The following AAAS variants were observed in gnomAD, a reference collection of about 807,000 sequenced individuals.
AAAS encodes the protein aladin WD repeat nucleoporin.
A neutral mutation model predicts 75.6 loss-of-function variants in AAAS; 60 were observed. The ratio of observed to expected loss-of-function variants is 0.79; its 90% CI spans 0.64 to 0.98. The LOEUF (loss-of-function observed/expected upper bound fraction) is 0.98, where lower values mean the gene tolerates loss of function less well. Among genes scored for constraint, AAAS ranks in the 50% least tolerant of loss-of-function variants. AAAS has a pLI of 0.00. For missense variants in AAAS, 658 were observed against 686.9 expected (o/e 0.96, Z 0.47); for synonymous variants, 271 against 265.0 (o/e 1.02, Z -0.22).
Position 53,307,461 on chromosome 12 carries a change from G to A in AAAS, c.*28C>T, listed in dbSNP as rs1212062959. On this transcript the variant is annotated 3_prime_UTR_variant, in exon 16 of 16. Coordinates refer to ENST00000209873, the MANE Select transcript of AAAS (RefSeq NM_015665.6). ...GGAAAAGACAGACTGGTAACTGAGT[G>A]GAAAACAAAAGGAAAACTTATTTAT... 1 of 1,584,122 alleles carries A rather than the reference G, an allele frequency of 6.3e-7. No homozygotes were observed. The highest frequency in any genetic ancestry group is 1.3e-5 in the African/African-American group (1 of 74,554).
rs1012324730 is a variant in AAAS at position 53,309,643 on chromosome 12, C to T, written c.768G>A (p.Gly256=). 1.2e-6 allele frequency: 2 copies of T among 1,613,564 alleles called. No individual in the cohort carries two copies. Among genetic ancestry groups the T allele is most frequent in the African/African-American group, 2.7e-5 (2 of 75,054 alleles). The part of the protein sequence containing the change: ...PVTSLAWAPS[G]GRLLSASPVD... ...CGGGTGAAGCTGAGAGCAGCCGCCC[C>T]CCACTGGGGGCCCAGGCCAAGCTGG... Residue 256 remains glycine, a synonymous_variant, in exon 8 of 16, where the codon GGG becomes GGA. Coordinates refer to ENST00000209873, the MANE Select transcript of AAAS (RefSeq NM_015665.6).
chr12:53,312,523 C>A (rs1013954777), intron 7 of AAAS, among the ~76,000 whole-genome samples: 1 of 151,042 alleles, frequency 6.6e-6, no homozygotes, highest in African/African-American at 2.4e-5. Context: ...CGAGATCGTG[C>A]CACTGCACTC....
chr12:53,311,668 A>G (rs889947216), intron 7 of AAAS, among the ~76,000 whole-genome samples: 2 of 152,170 alleles, frequency 1.3e-5, no homozygotes, highest in African/African-American at 4.8e-5. Context: ...TAATCTCAGC[A>G]CTTCGGGAGG....
intron 2 of AAAS, among the ~76,000 whole-genome samples, chr12:53,320,354 TC>T (rs916468032): frequency 1.3e-5 from 2 of 152,180 alleles, no homozygotes; most frequent in African/African-American, 4.8e-5. Context: ...TCCATAGTGT[TC>T]CTGGGAAGGG....
At position 53,312,785 on chromosome 12, in the gene AAAS, G is replaced by GTATA. The variant is rs151067872; in HGVS notation, c.689+1509_689+1512dup. ...TACGTATATACACGTATACATACAC[G>GTATA]TATATATATATATACGTGTATATAT... On this transcript the variant is annotated intron_variant, in intron 7 of 15. Coordinates refer to ENST00000209873, the MANE Select transcript of AAAS (RefSeq NM_015665.6). Among the ~76,000 whole-genome samples the GTATA allele has an allele frequency of 4.8e-3, 681 of 142,650 alleles. 4 individuals carry two copies. The highest frequency in any genetic ancestry group is 0.016 in the African/African-American group (640 of 38,854). 93.6% of individuals were successfully genotyped at this position (142,650 alleles called of 152,430 possible).
intron 2 of AAAS, among the ~76,000 whole-genome samples, chr12:53,317,974 A>G (rs1244770448): frequency 6.6e-6 from 1 of 152,220 alleles, no homozygotes; most frequent in Non-Finnish European, 1.5e-5. Flanking sequence ...GGTGCCTCAC[A>G]TTAACTAATC....
chr12:53,310,453 G>A lies in AAAS; in HGVS notation c.690-732C>T, dbSNP rs545837362. On this transcript the variant is annotated intron_variant, in intron 7 of 15. Transcript: ENST00000209873. ...TGTTCGCCTGTAGTCCCAGCTACTT[G>A]GGAGGCTGAGGCAGGAGAATTGCTT... Among the ~76,000 whole-genome samples the A allele has an allele frequency of 1.4e-4, 22 of 152,244 alleles. No individual in the cohort carries two copies. In the South Asian group the frequency reaches 1.5e-3, roughly 10 times the overall value.
At chr12:53,320,476 T>C in intron 2 of AAAS, 89 bp downstream of exon 2, 1 of 1,584,280 alleles carries the variant, frequency 6.3e-7, no homozygotes, top group Middle Eastern at 2.3e-4. Flanking sequence ...AATAAAAGTC[T>C]TTTGAAGAAC....
chr12:53,316,458 A>G (rs908081528), intron 2 of AAAS, among the ~76,000 whole-genome samples: 5 of 139,012 alleles, frequency 3.6e-5, no homozygotes, highest in East Asian at 2.2e-4. Flanking sequence ...CTGCCTCAAA[A>G]AAGAAGAAAA....
chr12:53,317,759 C>G (rs1002162731), intron 2 of AAAS, among the ~76,000 whole-genome samples: 2 of 151,454 alleles, frequency 1.3e-5, no homozygotes, highest in African/African-American at 4.9e-5. Flanking sequence ...AAAAAAGAAT[C>G]TACTTCAGGA....
intron 2 of AAAS, 110 bp from the exon 3 acceptor site, chr12:53,315,892 A>C: frequency 2.5e-6 from 3 of 1,190,280 alleles, no homozygotes; most frequent in Non-Finnish European, 3.7e-6. Context: ...CTCACATTTA[A>C]TGAGTGCCAA....
intron 7 of AAAS, among the ~76,000 whole-genome samples, chr12:53,312,801 G>A (rs1358223483): frequency 1.4e-5 from 2 of 146,138 alleles, no homozygotes; most frequent in South Asian, 2.1e-4. Flanking sequence ...ATATATATAC[G>A]TGTATATATA....
intron 2 of AAAS, among the ~76,000 whole-genome samples, chr12:53,317,507 A>C (rs1295353822): frequency 1.3e-5 from 2 of 151,762 alleles, no homozygotes; most frequent in Non-Finnish European, 2.9e-5. Context: ...CAGTGAGCCG[A>C]GATCGTGCCA....
intron 1 of AAAS, 136 bp downstream of exon 1, chr12:53,321,207 A>T: frequency 7.3e-7 from 1 of 1,367,296 alleles, no homozygotes; most frequent in Non-Finnish European, 1.0e-6. Context: ...CAGCCCTTCT[A>T]GCCTCCTGCC....
At position 53,307,576 on chromosome 12, in the gene AAAS, A is replaced by G; in HGVS notation, c.1554T>C (p.Phe518=). Residue 518 remains phenylalanine (F), a synonymous_variant, in exon 16 of 16, where the codon TTT becomes TTC. Transcript: ENST00000209873. ...GGGSIHDLPL[F]TETSPTSAPW... ...GGGCAGAGGTTGGGGATGTCTCAGT[A>G]AAGAGGGGCAGGTCATGAATAGAGC... The G allele has an allele frequency of 6.2e-7, 1 of 1,614,178 alleles. No homozygotes were observed. The highest frequency in any genetic ancestry group is 8.5e-7 in the Non-Finnish European group (1 of 1,180,010).
At chr12:53,318,245 CGTGTGTGTGT>C (rs1165918605) in intron 2 of AAAS, among the ~76,000 whole-genome samples, 114 of 78,916 alleles carry the variant, frequency 1.4e-3, no homozygotes, top group African/African-American at 3.9e-3. Flanking sequence ...TGTGTGTGTG[CGTGTGTGTGT>C]GTGTGTGTGT....
chr12:53,313,363 G>A (rs1343439443), intron 7 of AAAS, among the ~76,000 whole-genome samples: 26 of 151,102 alleles, frequency 1.7e-4, no homozygotes, highest in African/African-American at 3.9e-4. Context: ...ATGGGGTTTC[G>A]CCATGTTGGC....
chr12:53,315,890 T>A, intron 2 of AAAS, 108 bp from the exon 3 acceptor site: 1 of 1,208,130 alleles, frequency 8.3e-7, no homozygotes, highest in Non-Finnish European at 1.2e-6. Flanking sequence ...CACTCACATT[T>A]AATGAGTGCC....
At chr12:53,321,220 G>C (rs1443682801) in intron 1 of AAAS, 123 bp downstream of exon 1, 2 of 1,470,736 alleles carry the variant, frequency 1.4e-6, no homozygotes, top group Non-Finnish European at 1.8e-6. Flanking sequence ...CTCCTGCCGG[G>C]GCCAAGCTGT....
Sources: allele counts gnomAD v4.1 joint callset (sites outside exome capture counted in the v4.1 genomes callset), GRCh38; gene constraint gnomAD v4.1.1; transcripts MANE v1.5; gene names NCBI Gene and HGNC (gene_info 2026-07-23, HGNC 2026-07-21).